Variants in PALLD observed in about 807,000 individuals in gnomAD.
PALLD encodes the protein palladin, cytoskeletal associated protein, also known as palladin.
In PALLD, 61 loss-of-function variants were observed where a neutral mutation model predicts 123.5. The ratio of observed to expected loss-of-function variants is 0.49; its 90% CI spans 0.40 to 0.61. The LOEUF is 0.61. PALLD is among the 20% of genes least tolerant of loss of function. The pLI is 0.00. For synonymous variants in PALLD, 465 were observed against 496.4 expected, an observed-to-expected ratio of 0.94 and a Z score of 0.84; for missense variants, 1,273 against 1,377.0, an observed-to-expected ratio of 0.92 and a Z score of 1.20.
At position 168,928,318 on chromosome 4, in the gene PALLD, TG is replaced by T. The variant is rs1263549030; in HGVS notation, c.*2139del. ...TAGCATTATTTTGCCACCTTTATATTGTATTTATAAAAAAAAAAGTACTATC... is the reference window on the plus strand; with the variant it reads ...TAGCATTATTTTGCCACCTTTATATTTATTTATAAAAAAAAAAGTACTATC... On this transcript the variant is annotated 3_prime_UTR_variant, in exon 22 of 22. Coordinates refer to ENST00000505667, the MANE Select transcript of PALLD (RefSeq NM_001166108.2). The T allele has an allele frequency of 1.3e-4, 13 of 103,572 alleles. No individual in the cohort carries two copies. The highest frequency in any genetic ancestry group is 2.5e-4 in the Non-Finnish European group (12 of 47,960). 6.4% of individuals were successfully genotyped at this position (103,572 alleles called of 1,614,324 possible).
intron 2 of PALLD, among the ~76,000 whole-genome samples, chr4:168,628,140 G>A (rs1775473331): frequency 6.6e-6 from 1 of 152,214 alleles, no homozygotes; most frequent in South Asian, 2.1e-4. Flanking sequence ...ACTTGCACAA[G>A]TGTAAAATGT....
At chr4:168,803,948 C>T (rs1426312310) in intron 10 of PALLD, among the ~76,000 whole-genome samples, 1 of 152,058 alleles carries the variant, frequency 6.6e-6, no homozygotes, top group Non-Finnish European at 1.5e-5. Flanking sequence ...CTAAAGGATT[C>T]CTGGGAATGC....
rs561301663 is a variant in PALLD at position 168,896,958 on chromosome 4, A to G, written c.2250+359A>G. Among the ~76,000 whole-genome samples the G allele has an allele frequency of 3.9e-5, 6 of 152,160 alleles. No individual in the cohort carries two copies. The East Asian group carries it at 7.7e-4, about 20-fold the overall frequency. ...GCGATTCTCCTGCCTCAGCCTCCCA[A>G]GTAGCTGGGATTACAAGTGCATGCC... On this transcript the variant is annotated intron_variant, in intron 13 of 21. Coordinates refer to ENST00000505667, the MANE Select transcript of PALLD (RefSeq NM_001166108.2).
At chr4:168,839,628 T>C (rs1745742848) in intron 10 of PALLD, among the ~76,000 whole-genome samples, 1 of 151,372 alleles carries the variant, frequency 6.6e-6, no homozygotes, top group South Asian at 2.1e-4. Context: ...GCATCAGAGG[T>C]TACTCCCAGG....
At position 168,676,978 on chromosome 4, in the gene PALLD, G is replaced by A. The variant is rs140993288; in HGVS notation, c.1088-4354G>A. Among the ~76,000 whole-genome samples, 182 of 152,192 alleles carry A rather than the reference G, an allele frequency of 1.2e-3. 1 individual carries two copies. Among genetic ancestry groups the A allele is most frequent in the African/African-American group, 3.9e-3 (164 of 41,536 alleles). On this transcript the variant is annotated intron_variant, in intron 3 of 21. Transcript: ENST00000505667. The stretch of plus-strand genomic sequence containing the variant: ...GGCCAAAGCCTGGAGCAGGATCGTC[G>A]GCGTGTGATTCCTTCACTCTGCGTG...
intron 2 of PALLD, among the ~76,000 whole-genome samples, chr4:168,576,736 T>C (rs917711890): frequency 3.9e-5 from 6 of 152,158 alleles, no homozygotes; most frequent in African/African-American, 9.7e-5. Context: ...TTATAATCCT[T>C]TGGGTATATA....
chr4:168,732,379 G>C (rs1379931424), intron 10 of PALLD, among the ~76,000 whole-genome samples: 1 of 152,140 alleles, frequency 6.6e-6, no homozygotes, highest in Non-Finnish European at 1.5e-5. Context: ...TCTGGAGAAG[G>C]CTCGAAGAAA....
intron 2 of PALLD, among the ~76,000 whole-genome samples, chr4:168,629,409 G>A (rs548755225): frequency 6.6e-6 from 1 of 152,202 alleles, no homozygotes; most frequent in African/African-American, 2.4e-5. Flanking sequence ...ATTATCAGTG[G>A]TTACCTGGAG....
chr4:168,615,990 T>C (rs942695383), intron 2 of PALLD, among the ~76,000 whole-genome samples: 24 of 152,314 alleles, frequency 1.6e-4, no homozygotes, highest in African/African-American at 5.5e-4. Context: ...TCCCATTTTT[T>C]TCTTTTTCCT....
intron 4 of PALLD, among the ~76,000 whole-genome samples, chr4:168,681,811 T>C (rs77275131): frequency 0.016 from 2,453 of 152,184 alleles, 58 homozygotes; most frequent in African/African-American, 0.056. Flanking sequence ...GCTTCCCAAA[T>C]TGTTGGGAGG....
intron 10 of PALLD, among the ~76,000 whole-genome samples, chr4:168,817,533 TC>T (rs1742146408): frequency 6.6e-6 from 1 of 152,196 alleles, no homozygotes; most frequent in African/African-American, 2.4e-5. Flanking sequence ...AAAGAAACTG[TC>T]AGTACTTGTT....
intron 10 of PALLD, among the ~76,000 whole-genome samples, chr4:168,879,983 T>A (rs1752390786): frequency 6.6e-6 from 1 of 152,228 alleles, no homozygotes; most frequent in Non-Finnish European, 1.5e-5. Flanking sequence ...TCATCCTCTC[T>A]CATTAAAAGG....
At chr4:168,534,628 A>G (rs893039655) in intron 2 of PALLD, among the ~76,000 whole-genome samples, 1 of 152,156 alleles carries the variant, frequency 6.6e-6, no homozygotes, top group African/African-American at 2.4e-5. Context: ...TGTATCTTCC[A>G]CTGAACACAT....
At position 168,586,175 on chromosome 4, in the gene PALLD, AAAAG is replaced by A. The variant is rs1247402887; in HGVS notation, c.908+73764_908+73767del. On this transcript the variant is annotated intron_variant, in intron 2 of 21. Coordinates refer to ENST00000505667, the MANE Select transcript of PALLD (RefSeq NM_001166108.2). Reference sequence around the variant, plus strand: ...ACCTAAAAAAAAAAAAAAAAAAAAAAAAAGGCTTTCTAAGCAGTGCCTATCAAGC... The same window carrying A: ...ACCTAAAAAAAAAAAAAAAAAAAAAAGCTTTCTAAGCAGTGCCTATCAAGC... Among the ~76,000 whole-genome samples the A allele has an allele frequency of 7.0e-3, 1,053 of 150,572 alleles. 14 individuals are homozygous for A. The highest frequency in any genetic ancestry group is 0.025 in the African/African-American group (1,003 of 40,812).
chr4:168,874,530 A>G (rs1751486673), intron 10 of PALLD, among the ~76,000 whole-genome samples: 1 of 152,240 alleles, frequency 6.6e-6, no homozygotes, highest in South Asian at 2.1e-4. Context: ...TCTTAAATAT[A>G]TTCTTAAATA....
intron 2 of PALLD, among the ~76,000 whole-genome samples, chr4:168,563,385 A>G (rs1207746842): frequency 6.6e-6 from 1 of 152,204 alleles, no homozygotes; most frequent in Non-Finnish European, 1.5e-5. Flanking sequence ...TCATTTAAAG[A>G]CACATAGACC....
intron 10 of PALLD, among the ~76,000 whole-genome samples, chr4:168,828,591 C>T (rs1222859131): frequency 1.3e-5 from 2 of 152,128 alleles, no homozygotes; most frequent in South Asian, 2.1e-4. Flanking sequence ...TAGTGTCTTT[C>T]GTTTTAGTGT....
intron 10 of PALLD, among the ~76,000 whole-genome samples, chr4:168,852,733 T>G (rs1398366646): frequency 2.0e-5 from 3 of 152,250 alleles, no homozygotes; most frequent in Non-Finnish European, 4.4e-5. Context: ...GCAAGAGGTA[T>G]TATTTGCCTT....
At chr4:168,902,925 C>G (rs72975241) in intron 14 of PALLD, among the ~76,000 whole-genome samples, 1 of 152,042 alleles carries the variant, frequency 6.6e-6, no homozygotes, top group East Asian at 1.9e-4. Context: ...ACATGCACCA[C>G]CACACCCAGA....
Sources: gnomAD v4.1 joint callset for allele counts (sites outside exome capture counted in the v4.1 genomes callset) on GRCh38, gnomAD v4.1.1 for gene constraint, MANE v1.5 for transcripts, NCBI Gene and HGNC (gene_info 2026-07-23, HGNC 2026-07-21) for gene names.